CDON: variants seen among roughly 807,000 people sequenced by gnomAD.
CDON encodes cell adhesion associated, oncogene regulated, also known as cell adhesion molecule-related/down-regulated by oncogenes.
A neutral mutation model predicts 120.9 loss-of-function variants in CDON; 73 were observed. The observed-to-expected ratio is 0.60, with a 90% confidence interval of 0.50 to 0.73. The LOEUF is 0.73. Among genes scored for constraint, CDON ranks in the 30% least tolerant of loss-of-function variants. The probability of loss-of-function intolerance (pLI) is 0.00; values close to 1 mark genes in which losing one functional copy is unlikely to be tolerated. For synonymous variants in CDON, 566 were observed against 573.5 expected, an observed-to-expected ratio of 0.99 and a Z score of 0.19; for missense variants, 1,470 against 1,587.3, an observed-to-expected ratio of 0.93 and a Z score of 1.26.
At chr11:126,004,411 A>G (rs1947054617) in intron 9 of CDON, 3 of 331,434 alleles carry the variant, frequency 9.1e-6, no homozygotes, top group South Asian at 3.0e-5. Context: ...GAAGAATAAA[A>G]TAAGTATAAA....
chr11:126,041,098 A>C (rs1409754257), intron 1 of CDON, among the ~76,000 whole-genome samples: 1 of 150,380 alleles, frequency 6.6e-6, no homozygotes, highest in East Asian at 2.0e-4. Context: ...CTGAGGCAGG[A>C]GAATCACTTG....
intron 1 of CDON, among the ~76,000 whole-genome samples, chr11:126,046,203 A>G (rs1262334290): frequency 6.6e-6 from 1 of 152,170 alleles, no homozygotes; most frequent in Non-Finnish European, 1.5e-5. Context: ...CCCATTCCCT[A>G]GAATCAAAAA....
At chr11:126,032,443 T>C (rs896865508) in intron 1 of CDON, among the ~76,000 whole-genome samples, 4 of 152,058 alleles carry the variant, frequency 2.6e-5, no homozygotes, top group Non-Finnish European at 5.9e-5. Flanking sequence ...GCAACATAAA[T>C]GAGCAGAAAC....
intron 16 of CDON, 51 bp downstream of exon 16, chr11:125,983,821 T>G: frequency 7.7e-7 from 1 of 1,300,096 alleles, no homozygotes; most frequent in Non-Finnish European, 1.1e-6. Context: ...CTGACAATAT[T>G]TGTCTACCCA....
At chr11:125,970,182 T>TG (rs200187092) in intron 18 of CDON, among the ~76,000 whole-genome samples, 37,647 of 147,050 alleles carry the variant, frequency 0.26, 5,445 homozygotes, top group South Asian at 0.32. Context: ...GTTTTTTTTT[T>TG]TTTTTTTTTT....
intron 8 of CDON, among the ~76,000 whole-genome samples, chr11:126,009,381 T>C (rs753031853): frequency 9.2e-5 from 14 of 152,158 alleles, no homozygotes; most frequent in Non-Finnish European, 1.8e-4. Flanking sequence ...ACACTGGTCG[T>C]GTGGTCCAGA....
chr11:125,975,077 A>C (rs1352448768), intron 18 of CDON, among the ~76,000 whole-genome samples: 1 of 152,064 alleles, frequency 6.6e-6, no homozygotes, highest in African/African-American at 2.4e-5. Context: ...CTCTGAACAG[A>C]TCATTCCTGT....
At chr11:126,005,342 T>G in intron 9 of CDON, 1 of 188,504 alleles carries the variant, frequency 5.3e-6, no homozygotes. Context: ...AAAAAAAAAC[T>G]TGAAATGCAA....
Position 125,960,917 on chromosome 11 carries a change from A to C in CDON, c.*25T>G. ...TGTGCAGTTACCGGCTTGAAGTTGGAACATGACTGGTTGTTTGCATGTCCT... is the reference window on the plus strand; with the variant it reads ...TGTGCAGTTACCGGCTTGAAGTTGGCACATGACTGGTTGTTTGCATGTCCT... On this transcript the variant is annotated 3_prime_UTR_variant, in exon 20 of 20. Coordinates refer to ENST00000531738, the MANE Select transcript of CDON (RefSeq NM_001378964.1). The C allele has an allele frequency of 6.2e-7, 1 of 1,612,904 alleles. No individual in the cohort carries two copies. Among genetic ancestry groups the C allele is most frequent in the Non-Finnish European group, 8.5e-7 (1 of 1,179,436 alleles).
In CDON at chr11:125,980,196, T is replaced by C. The variant is rs1591559648; in HGVS notation, c.3276+853A>G. 2.0e-5 allele frequency among the ~76,000 whole-genome samples: 3 copies of C among 152,326 alleles called. No homozygotes were observed. In the South Asian group the frequency reaches 6.2e-4, roughly 32 times the overall value. On this transcript the variant is annotated intron_variant, in intron 17 of 19. Coordinates refer to ENST00000531738, the MANE Select transcript of CDON (RefSeq NM_001378964.1). ...AAACAATGTCATAAATCAAACTTTC[T>C]AGTGCAGAGAACCCCACGTAAGTCT...
At position 125,981,219 on chromosome 11, in the gene CDON, A is replaced by C. The variant is rs745925601; in HGVS notation, c.3106T>G (p.Phe1036Val). The C allele has an allele frequency of 6.2e-7, 1 of 1,614,168 alleles. No homozygotes were observed. Among genetic ancestry groups the C allele is most frequent in the Non-Finnish European group, 8.5e-7 (1 of 1,180,036 alleles). ...CTGCTGAGACCGCCATTGGTTAGGA[A>C]GCCTCCGTGAACATTTCCATTTATC... ...SQINGNVHGG[F>V]LTNGGLSSGY... Residue 1036 changes from phenylalanine to valine, a missense_variant, in exon 17 of 20, where the codon TTC (phenylalanine) becomes GTC (valine). Transcript: ENST00000531738.
In CDON at chr11:125,962,042, A is replaced by G. The variant is rs1171612615; in HGVS notation, c.3357-44T>C. ...AAGAAACAGAATTGTGTCTAGAGGA[A>G]CCAATAATTAAAATAAGCCTATTCT... On this transcript the variant is annotated intron_variant, in intron 18 of 19. Coordinates refer to ENST00000531738, the MANE Select transcript of CDON (RefSeq NM_001378964.1). 2.1e-6 allele frequency: 3 copies of G among 1,446,210 alleles called. No individual in the cohort carries two copies. In the African/African-American group the frequency reaches 4.2e-5, roughly 20 times the overall value. The allele number at this position is 1,446,210 out of a possible 1,614,324, so 89.6% of individuals were successfully genotyped here.
chr11:126,020,424 C>T (rs780827194), intron 3 of CDON, among the ~76,000 whole-genome samples: 10 of 152,174 alleles, frequency 6.6e-5, no homozygotes, highest in African/African-American at 9.7e-5. Context: ...CAGTTCACTA[C>T]GGACGGAGCC....
rs150587299 is a variant in CDON, at chr11:125,997,290, C to A, written c.2279G>T (p.Arg760Leu). 6.2e-7 allele frequency: 1 copy of A among 1,614,030 alleles called. No individual in the cohort carries two copies. Among genetic ancestry groups the A allele is most frequent in the South Asian group, 1.1e-5 (1 of 91,080 alleles). The change falls in exon 12 of 20, where the codon CGG (arginine) becomes CTG (leucine). Residue 760 changes from arginine to leucine, a missense_variant. Coordinates refer to ENST00000531738, the MANE Select transcript of CDON (RefSeq NM_001378964.1). ...PITAFKVEYKRMRTSNWLVAA... is the reference protein window; with the variant it reads ...PITAFKVEYKLMRTSNWLVAA... ...CACCAGCCAATTGCTGGTCCTCATC[C>A]GTTTATATTCGACTTTGAAGGCAGT... is the stretch of plus-strand genomic sequence containing the variant.
At chr11:126,025,613 C>G (rs2134721281) in intron 1 of CDON, among the ~76,000 whole-genome samples, 1 of 152,180 alleles carries the variant, frequency 6.6e-6, no homozygotes, top group African/African-American at 2.4e-5. Flanking sequence ...AAACCCAGCA[C>G]TGGCAAGAAT....
At chr11:126,021,576 AAAG>A (rs1158733209) in intron 2 of CDON, 56 bp from the exon 3 acceptor site, 14 of 1,476,634 alleles carry the variant, frequency 9.5e-6, no homozygotes, top group South Asian at 2.3e-5. Flanking sequence ...GAGGAGAGAG[AAAG>A]AAGATTACAT....
chr11:126,001,225 T>C (rs1946934766), intron 11 of CDON, among the ~76,000 whole-genome samples: 1 of 149,512 alleles, frequency 6.7e-6, no homozygotes, highest in Non-Finnish European at 1.5e-5. Context: ...TCTCACTCTG[T>C]CATCCAGGCT....
At chr11:126,012,702 C>T (rs1250495298) in intron 7 of CDON, among the ~76,000 whole-genome samples, 2 of 152,086 alleles carry the variant, frequency 1.3e-5, no homozygotes, top group Non-Finnish European at 2.9e-5. Context: ...AGCCACCGCA[C>T]CTGGCCAAGG....
chr11:125,971,211 A>G (rs7939100), intron 18 of CDON, among the ~76,000 whole-genome samples: 25,093 of 151,898 alleles, frequency 0.17, 2,643 homozygotes, highest in Non-Finnish European at 0.24. Flanking sequence ...GTGAAACCCC[A>G]TCTCTACTAA....
Sources: gnomAD v4.1 joint callset for allele counts (sites outside exome capture counted in the v4.1 genomes callset) on GRCh38, gnomAD v4.1.1 for gene constraint, MANE v1.5 for transcripts, NCBI Gene and HGNC (gene_info 2026-07-23, HGNC 2026-07-21) for gene names.